Variants in DPP6 observed in about 807,000 individuals in gnomAD.
DPP6 encodes the protein A-type potassium channel modulatory protein DPP6.
In DPP6, 69 loss-of-function variants were observed where a neutral mutation model predicts 122.6. That is an observed-to-expected ratio of 0.56 (90% CI 0.46 to 0.69). The LOEUF (loss-of-function observed/expected upper bound fraction) is 0.69, where lower values mean the gene tolerates loss of function less well. Ranked by LOEUF, DPP6 falls within the 30% of genes least tolerant of loss-of-function variation. DPP6 has a pLI of 0.00. For synonymous variants in DPP6, 418 were observed against 433.1 expected (o/e 0.97, Z 0.43); for missense variants, 928 against 1,116.9 (o/e 0.83, Z 2.41).
At chr7:154,439,470 T>G (rs6965651) in intron 1 of DPP6, among the ~76,000 whole-genome samples, 24,289 of 152,200 alleles carry the variant, frequency 0.16, 2,660 homozygotes, top group East Asian at 0.38. Flanking sequence ...AACAACTTGA[T>G]ACCTTTAAAA....
At chr7:154,167,362 C>T (rs1230759238) in intron 1 of DPP6, among the ~76,000 whole-genome samples, 1 of 152,236 alleles carries the variant, frequency 6.6e-6, no homozygotes, top group African/African-American at 2.4e-5. Context: ...AGATTAGTGC[C>T]AACCTTCTGC....
chr7:154,402,283 A>G (rs1408743312), intron 1 of DPP6, among the ~76,000 whole-genome samples: 3 of 152,062 alleles, frequency 2.0e-5, no homozygotes, highest in Admixed American at 1.3e-4. Flanking sequence ...ATGCTGCTAT[A>G]AAGACACATG....
At chr7:153,969,849 C>A (rs1411019802) in intron 1 of DPP6, among the ~76,000 whole-genome samples, 3 of 151,202 alleles carry the variant, frequency 2.0e-5, no homozygotes, top group Non-Finnish European at 2.9e-5. Flanking sequence ...TTCCTTTACA[C>A]CCCAGCCCTT....
chr7:154,758,580 C>T (rs533817566), intron 8 of DPP6, among the ~76,000 whole-genome samples: 1 of 152,174 alleles, frequency 6.6e-6, no homozygotes, highest in African/African-American at 2.4e-5. Context: ...CCATGTTGAC[C>T]AGGCTGGTCT....
intron 10 of DPP6, among the ~76,000 whole-genome samples, chr7:154,793,348 T>A (rs1477696049): frequency 6.6e-6 from 1 of 152,208 alleles, no homozygotes; most frequent in Admixed American, 6.5e-5. Context: ...TGTATTTTTT[T>A]AATCTGGTTT....
chr7:153,821,306 A>C, the DPP6 span, among the ~76,000 whole-genome samples: 3 of 149,096 alleles, frequency 2.0e-5, no homozygotes, highest in Non-Finnish European at 3.0e-5. Flanking sequence ...GCAGAGTAGA[A>C]AACTACAAGT....
At chr7:154,744,010 C>G (rs1010866838) in intron 8 of DPP6, among the ~76,000 whole-genome samples, 2 of 152,158 alleles carry the variant, frequency 1.3e-5, no homozygotes, top group Non-Finnish European at 2.9e-5. Flanking sequence ...TGGTGACAAG[C>G]GGCCCTGTGT....
rs111414021 is a variant in DPP6 at position 154,752,898 on chromosome 7, C to T, written c.884-16519C>T. Among the ~76,000 whole-genome samples, 43 of 152,208 alleles carry T rather than the reference C, an allele frequency of 2.8e-4. No homozygotes were observed. In the Middle Eastern group the frequency reaches 0.02, roughly 72 times the overall value. On this transcript the variant is annotated intron_variant, in intron 8 of 25. Transcript: ENST00000377770. ...GGTGGACGGGTGTGGCTCTAGTGAACGGGATTTCCACCTTAGATTCTGTTC... is the reference window on the plus strand; with the variant it reads ...GGTGGACGGGTGTGGCTCTAGTGAATGGGATTTCCACCTTAGATTCTGTTC...
chr7:153,944,246 T>C (rs1192571400), intron 1 of DPP6, among the ~76,000 whole-genome samples: 1 of 152,202 alleles, frequency 6.6e-6, no homozygotes, highest in Non-Finnish European at 1.5e-5. Flanking sequence ...CTAATGGGTG[T>C]TTGCATGGGT....
At position 154,821,653 on chromosome 7, in the gene DPP6, TATATATATATAC is replaced by T. The variant is rs1799785807; in HGVS notation, c.1666+14543_1666+14554del. ...GTATATATATATATATATACACATA[TATATATATATAC>T]ACATATATATATACACACACATATA... On this transcript the variant is annotated intron_variant, in intron 16 of 25. Coordinates refer to ENST00000377770, the MANE Select transcript of DPP6 (RefSeq NM_130797.4). This position sits in a 1 kb window ranked among gnomAD's most constrained non-coding sequence, Gnocchi z 4.2. 2.8e-5 allele frequency among the ~76,000 whole-genome samples: 3 copies of T among 107,094 alleles called. No homozygotes were observed. The highest frequency in any genetic ancestry group is 1.0e-4 in the African/African-American group (3 of 29,614). The allele number at this position is 107,094 out of a possible 152,430, so 70.3% of individuals were successfully genotyped here.
chr7:153,938,651 G>A (rs575951742), intron 1 of DPP6, among the ~76,000 whole-genome samples: 1 of 152,286 alleles, frequency 6.6e-6, no homozygotes, highest in East Asian at 1.9e-4. Flanking sequence ...GACCATTACT[G>A]TCCCATTTAG....
At chr7:154,432,672 GTTTA>G (rs1344425137) in intron 1 of DPP6, among the ~76,000 whole-genome samples, 3 of 152,136 alleles carry the variant, frequency 2.0e-5, no homozygotes, top group Admixed American at 1.3e-4. Flanking sequence ...GTTTTTACCA[GTTTA>G]TTTATTCATT....
chr7:153,947,300 G>C (rs1801991943), intron 1 of DPP6, among the ~76,000 whole-genome samples: 1 of 152,074 alleles, frequency 6.6e-6, no homozygotes, highest in Admixed American at 6.5e-5. Context: ...GGAGCCTGTA[G>C]GTCTGAAGTC....
chr7:154,562,022 A>C (rs1212397293), intron 4 of DPP6, among the ~76,000 whole-genome samples: 1 of 152,190 alleles, frequency 6.6e-6, no homozygotes, highest in South Asian at 2.1e-4. Context: ...TTATGTAAGA[A>C]ATAGTACCAA....
At chr7:153,873,426 A>G in the DPP6 span, among the ~76,000 whole-genome samples, 1 of 152,208 alleles carries the variant, frequency 6.6e-6, no homozygotes, top group Non-Finnish European at 1.5e-5. Context: ...TTTGAGGCCT[A>G]CCTAATTTAA....
rs1282728762 is a variant in DPP6 at position 154,127,606 on chromosome 7, CACACACACACACACACACACACACACAG to C, written c.243+74561_243+74588del. Among the ~76,000 whole-genome samples, 171 of 59,790 alleles carry C rather than the reference CACACACACACACACACACACACACACAG, an allele frequency of 2.9e-3. 1 individual carries two copies. Among genetic ancestry groups the C allele is most frequent in the African/African-American group, 0.011 (165 of 15,538 alleles). 39.2% of individuals were successfully genotyped at this position (59,790 alleles called of 152,430 possible). ...AAACAGGAGCAGCATCTCACACACA[CACACACACACACACACACACACACACAG>C]ACACACACACACACACAGACACACA... On this transcript the variant is annotated intron_variant, in intron 1 of 25. Transcript: ENST00000377770.
intron 18 of DPP6, among the ~76,000 whole-genome samples, chr7:154,869,450 G>A (rs1584940200): frequency 6.6e-6 from 1 of 152,368 alleles, no homozygotes; most frequent in African/African-American, 2.4e-5. Flanking sequence ...GGGGACATGT[G>A]GGAATGCTCA....
intron 7 of DPP6, among the ~76,000 whole-genome samples, chr7:154,701,071 C>T (rs149446225): frequency 1.2e-4 from 19 of 152,286 alleles, no homozygotes; most frequent in Middle Eastern, 6.8e-3. Context: ...CCCAGAGATA[C>T]GGCAGGCTTT....
chr7:154,446,840 A>G (rs527441005), intron 2 of DPP6, among the ~76,000 whole-genome samples: 1 of 152,234 alleles, frequency 6.6e-6, no homozygotes, highest in East Asian at 1.9e-4. Context: ...TACATGCACT[A>G]TTGAGTAAGC....
Sources: allele counts gnomAD v4.1 joint callset (sites outside exome capture counted in the v4.1 genomes callset), GRCh38; gene constraint gnomAD v4.1.1; non-coding constraint Gnocchi (gnomAD v3.1); transcripts MANE v1.5; gene names NCBI Gene and HGNC (gene_info 2026-07-23, HGNC 2026-07-21).